Variants in KREMEN1 observed in about 807,000 individuals in gnomAD.
The protein encoded by KREMEN1 is kremen protein 1.
A neutral mutation model predicts 46.5 loss-of-function variants in KREMEN1; 30 were observed. That is an observed-to-expected ratio of 0.65 (90% CI 0.48 to 0.88). The LOEUF (loss-of-function observed/expected upper bound fraction) is 0.88. Among genes scored for constraint, KREMEN1 ranks in the 40% least tolerant of loss-of-function variants. The pLI, the probability that KREMEN1 is intolerant of heterozygous loss-of-function variation, is 0.00. For synonymous variants in KREMEN1, 214 were observed against 230.6 expected, an observed-to-expected ratio of 0.93 and a Z score of 0.65; for missense variants, 533 against 596.9, an observed-to-expected ratio of 0.89 and a Z score of 1.11.
intron 9 of KREMEN1, among the ~76,000 whole-genome samples, chr22:29,157,765 T>A (rs901192738): frequency 6.6e-6 from 1 of 152,048 alleles, no homozygotes; most frequent in African/African-American, 2.4e-5. Context: ...CCTAGATACA[T>A]CCCCTGAGCC....
intron 5 of KREMEN1, among the ~76,000 whole-genome samples, chr22:29,130,929 T>C (rs1256448100): frequency 1.3e-5 from 2 of 152,244 alleles, no homozygotes; most frequent in Non-Finnish European, 2.9e-5. Flanking sequence ...ATTTTAATAA[T>C]CCATCATAAA....
At chr22:29,100,593 T>C (rs563423152) in intron 3 of KREMEN1, among the ~76,000 whole-genome samples, 22 of 152,232 alleles carry the variant, frequency 1.4e-4, no homozygotes, top group Non-Finnish European at 2.8e-4. Context: ...TACATAATAC[T>C]TGATAATGAT....
chr22:29,120,223 TGGAGGAGGGAGAGGTGATGAA>T (rs2038318341), intron 3 of KREMEN1, among the ~76,000 whole-genome samples: 5 of 24,020 alleles, frequency 2.1e-4, no homozygotes, highest in South Asian at 1.7e-3. Flanking sequence ...ATGAAGGAAA[TGGAGGAGGGAGAGGTGATGAA>T]GGAAACAGGG....
rs2038848740 is a variant in KREMEN1 at position 29,145,746 on chromosome 22, G to A, written c.*3634G>A. ...CAGGACAGGCTTGAGGCCTCTCTGG[G>A]CGTGAGCGAGGAAACCAGGCTGCTC... is the stretch of plus-strand genomic sequence containing the variant. On this transcript the variant is annotated 3_prime_UTR_variant, in exon 9 of 9. Transcript: ENST00000400335. The A allele has an allele frequency of 5.1e-6, 5 of 985,542 alleles. No homozygotes were observed. The highest frequency in any genetic ancestry group is 6.0e-6 in the Non-Finnish European group (5 of 829,990). The allele number at this position is 985,542 out of a possible 1,614,324, so 61.0% of individuals were successfully genotyped here.
chr22:29,117,568 A>G (rs1320282959), intron 3 of KREMEN1, among the ~76,000 whole-genome samples: 2 of 61,514 alleles, frequency 3.3e-5, no homozygotes, highest in Non-Finnish European at 9.5e-5. Context: ...CTCCGTCTCC[A>G]AAAAAAAAAA....
At chr22:29,088,910 C>T (rs574612859) in intron 1 of KREMEN1, among the ~76,000 whole-genome samples, 3 of 152,216 alleles carry the variant, frequency 2.0e-5, no homozygotes, top group South Asian at 4.2e-4. Flanking sequence ...CCCTAACATA[C>T]GCTTTCCATA....
chr22:29,139,532 G>C (rs996955419), intron 7 of KREMEN1, among the ~76,000 whole-genome samples: 3 of 152,208 alleles, frequency 2.0e-5, no homozygotes, highest in Admixed American at 2.0e-4. Context: ...GAGCCCAGGA[G>C]TTCAAGAATG....
At chr22:29,088,406 G>A (rs1446596357) in intron 1 of KREMEN1, among the ~76,000 whole-genome samples, 1 of 152,066 alleles carries the variant, frequency 6.6e-6, no homozygotes, top group Non-Finnish European at 1.5e-5. Flanking sequence ...TTGGCTCACT[G>A]CAACCTCTGC....
intron 3 of KREMEN1, among the ~76,000 whole-genome samples, chr22:29,110,248 A>G (rs1195965577): frequency 1.3e-5 from 2 of 152,144 alleles, no homozygotes; most frequent in Non-Finnish European, 2.9e-5. Flanking sequence ...CTATCCAGTG[A>G]CTTCTCTCAA....
At chr22:29,114,528 C>T (rs1407502880) in intron 3 of KREMEN1, among the ~76,000 whole-genome samples, 2 of 146,640 alleles carry the variant, frequency 1.4e-5, no homozygotes, top group Non-Finnish European at 3.0e-5. Flanking sequence ...GAAATCAGAG[C>T]TACATCTCCC....
chr22:29,095,726 G>C (rs928588931), intron 2 of KREMEN1, among the ~76,000 whole-genome samples: 1 of 151,964 alleles, frequency 6.6e-6, no homozygotes, highest in African/African-American at 2.4e-5. Context: ...AACGCTCTAG[G>C]GCCCTTGTAG....
In KREMEN1 at chr22:29,145,461, T is replaced by C; in HGVS notation, c.*3349T>C. The C allele has an allele frequency of 2.0e-6, 2 of 985,570 alleles. No homozygotes were observed. The highest frequency in any genetic ancestry group is 2.4e-6 in the Non-Finnish European group (2 of 830,072). 61.1% of individuals were successfully genotyped at this position (985,570 alleles called of 1,614,324 possible). A position where few individuals can be genotyped will look rare whatever the true frequency, so the allele number is the denominator to read the frequency against. ...TGCCATCCTCACCCCTGTTCCCCGC[T>C]GGCGCCAGGCCCTGCCTTCTTGGTA... On this transcript the variant is annotated 3_prime_UTR_variant, in exon 9 of 9. Coordinates refer to ENST00000400335, the MANE Select transcript of KREMEN1 (RefSeq NM_001039570.3).
At position 29,142,458 on chromosome 22, in the gene KREMEN1, T is replaced by C. The variant is rs1270120795; in HGVS notation, c.*346T>C. ...GCTGGCACAGGGCTCAGGTACATTC[T>C]AGATGGCTGTCAGGTGGTGGGTAGC... is the stretch of plus-strand genomic sequence containing the variant. On this transcript the variant is annotated 3_prime_UTR_variant, in exon 9 of 9. Coordinates refer to ENST00000400335, the MANE Select transcript of KREMEN1 (RefSeq NM_001039570.3). The C allele has an allele frequency of 9.7e-7, 1 of 1,034,670 alleles. No homozygotes were observed. The highest frequency in any genetic ancestry group is 1.7e-5 in the African/African-American group (1 of 59,358). 64.1% of individuals were successfully genotyped at this position (1,034,670 alleles called of 1,614,324 possible). A position where few individuals can be genotyped will look rare whatever the true frequency, so the allele number is the denominator to read the frequency against.
At chr22:29,140,853 A>G (rs375829933) in intron 8 of KREMEN1, among the ~76,000 whole-genome samples, 79 of 152,310 alleles carry the variant, frequency 5.2e-4, no homozygotes, top group Middle Eastern at 3.4e-3. Flanking sequence ...TTGGGTTAAA[A>G]TATATTTCCT....
At chr22:29,167,310 G>A in exon 10 of KREMEN1, 2 of 592,672 alleles carry the variant, frequency 3.4e-6, no homozygotes, top group Non-Finnish European at 6.1e-6. Context: ...AGTGAGCTAT[G>A]ATCACACCAC....
intron 3 of KREMEN1, among the ~76,000 whole-genome samples, chr22:29,118,325 T>TTC (rs772116813): frequency 2.6e-5 from 4 of 152,160 alleles, no homozygotes; most frequent in Non-Finnish European, 4.4e-5. Flanking sequence ...GTTTGCCACA[T>TTC]TCTACTTGTC....
At chr22:29,123,673 C>G (rs1484371448) in intron 4 of KREMEN1, among the ~76,000 whole-genome samples, 1 of 152,116 alleles carries the variant, frequency 6.6e-6, no homozygotes, top group Non-Finnish European at 1.5e-5. Context: ...ACCTGTAGTC[C>G]CAGTTACTCG....
chr22:29,083,061 C>G (rs534773460), intron 1 of KREMEN1, among the ~76,000 whole-genome samples: 23 of 152,152 alleles, frequency 1.5e-4, no homozygotes, highest in Admixed American at 1.5e-3. Context: ...CCTGCCGCCA[C>G]GCCTGGCTAA....
chr22:29,122,795 G>T (rs188240761), intron 4 of KREMEN1, among the ~76,000 whole-genome samples: 1 of 151,728 alleles, frequency 6.6e-6, no homozygotes, highest in Admixed American at 6.6e-5. Flanking sequence ...AAAATTAGCC[G>T]GGCATGGTGG....
Sources: gnomAD v4.1 joint callset for allele counts (sites outside exome capture counted in the v4.1 genomes callset) on GRCh38, gnomAD v4.1.1 for gene constraint, MANE v1.5 for transcripts, NCBI Gene and HGNC (gene_info 2026-07-23, HGNC 2026-07-21) for gene names.